The following PHACTR2 variants were observed in gnomAD, a reference collection of about 807,000 sequenced individuals.
The protein encoded by PHACTR2 is phosphatase and actin regulator 2, also known as chromosome 6 open reading frame 56.
A neutral mutation model predicts 76.0 loss-of-function variants in PHACTR2; 30 were observed. That is an observed-to-expected ratio of 0.39 (90% CI 0.30 to 0.54). The LOEUF (loss-of-function observed/expected upper bound fraction) is 0.54, where lower values mean the gene tolerates loss of function less well. Ranked by LOEUF, PHACTR2 falls within the 20% of genes least tolerant of loss-of-function variation. The pLI is 0.61. For synonymous variants in PHACTR2, 292 were observed against 292.5 expected, an observed-to-expected ratio of 1.00 and a Z score of 0.02; for missense variants, 696 against 781.1, an observed-to-expected ratio of 0.89 and a Z score of 1.30.
Position 143,595,768 on chromosome 6 carries a change from TAAAG to T in PHACTR2, c.217+58564_217+58567del, listed in dbSNP as rs1775743540. On this transcript the variant is annotated intron_variant, in intron 1 of 11. Coordinates refer to the PHACTR2 transcript ENST00000367584. The surrounding 1 kb of genome is among the most constrained non-coding windows in gnomAD (Gnocchi z 4.2). ...GAAAAAAGTGCTGTTAGAATAAAAA[TAAAG>T]AATGTTACCAGAATGTTCTACTTAA... Among the ~76,000 whole-genome samples, 1 of 152,196 alleles carries T rather than the reference TAAAG, an allele frequency of 6.6e-6. No individual in the cohort carries two copies. The highest frequency in any genetic ancestry group is 2.4e-5 in the African/African-American group (1 of 41,462).
In PHACTR2 at chr6:143,628,922, GAGATATATATATATATATATATATAT is replaced by G. The variant is rs1276280112; in HGVS notation, c.13+20602_13+20627del. Among the ~76,000 whole-genome samples the G allele has an allele frequency of 1.0e-3, 108 of 104,498 alleles. 4 individuals are homozygous for G. The highest frequency in any genetic ancestry group is 4.2e-3 in the South Asian group (11 of 2,646). 68.6% of individuals were successfully genotyped at this position (104,498 alleles called of 152,430 possible). A position where few individuals can be genotyped will look rare whatever the true frequency, so the allele number is the denominator to read the frequency against. ...AAAGAAGATGAATGTTTAAATGCAG[GAGATATATATATATATATATATATAT>G]ATATATATATATATATATATATATA... On this transcript the variant is annotated intron_variant, in intron 1 of 11. Coordinates refer to the PHACTR2 transcript ENST00000305766.
rs772695389 is a variant in PHACTR2 at position 143,774,083 on chromosome 6, G to A, written c.1457G>A (p.Arg486Gln). 1.7e-5 allele frequency: 27 copies of A among 1,613,322 alleles called. No individual in the cohort carries two copies. Among genetic ancestry groups the A allele is most frequent in the Admixed American group, 3.3e-5 (2 of 59,940 alleles). Residue 486 changes from arginine to glutamine, a missense_variant, in exon 8 of 13, where the codon CGG (arginine) becomes CAG (glutamine). Arg to Gln is a conservative substitution (Grantham distance 43). Around this residue, in one of 2 missense-constraint regions of PHACTR2, gnomAD observed 236 missense variants for 330.2 expected, o/e 0.71. Coordinates refer to ENST00000440869, the MANE Select transcript of PHACTR2 (RefSeq NM_001100164.2). This position sits in a 1 kb window ranked among gnomAD's most constrained non-coding sequence, Gnocchi z 5.4. The stretch of plus-strand genomic sequence containing the variant: ...GGTGCTTTGGCAAGTAAAATACGCC[G>A]GAGGGATACTCTTGCTATCAAACTT... The part of the protein sequence containing the change: ...GESALASKIR[R>Q]RDTLAIKLGN...
rs891300678 is a variant in PHACTR2, at chr6:143,830,922, C to T, written c.*7233C>T. ...AAGAGTAAGACAACTTCCCTAATTG[C>T]CTGTTATTTCAGCTTCACCTAAGTT... is the stretch of plus-strand genomic sequence containing the variant. On this transcript the variant is annotated 3_prime_UTR_variant, in exon 13 of 13. Coordinates refer to ENST00000440869, the MANE Select transcript of PHACTR2 (RefSeq NM_001100164.2). 2 of 152,148 alleles carry T rather than the reference C, an allele frequency of 1.3e-5. No homozygotes were observed. The highest frequency in any genetic ancestry group is 4.1e-4 in the South Asian group (2 of 4,832). The allele number at this position is 152,148 out of a possible 1,614,324, so 9.4% of individuals were successfully genotyped here.
At chr6:143,559,780 G>A (rs1398406255) in intron 1 of PHACTR2, among the ~76,000 whole-genome samples, 9 of 123,340 alleles carry the variant, frequency 7.3e-5, no homozygotes, top group Admixed American at 4.2e-4. Context: ...GTGTGATCTC[G>A]GCTCACTGCA....
chr6:143,779,636 C>A (rs1371232213), intron 9 of PHACTR2, among the ~76,000 whole-genome samples: 1 of 152,172 alleles, frequency 6.6e-6, no homozygotes, highest in Non-Finnish European at 1.5e-5. Flanking sequence ...GTGTAAGCCA[C>A]CGTGCCCGGC....
rs553826560 is a variant in PHACTR2 at position 143,736,867 on chromosome 6, T to C, written c.215-12118T>C. Reference sequence around the variant, plus strand: ...GGGATTACTGGCGTGAGCCAACACGTCCGGCCTACAAGATATTTTAATCAT... The same window carrying C: ...GGGATTACTGGCGTGAGCCAACACGCCCGGCCTACAAGATATTTTAATCAT... On this transcript the variant is annotated intron_variant, in intron 2 of 12. Coordinates refer to ENST00000440869, the MANE Select transcript of PHACTR2 (RefSeq NM_001100164.2). Among the ~76,000 whole-genome samples the C allele has an allele frequency of 4.0e-4, 61 of 151,786 alleles. No homozygotes were observed. In the East Asian group the frequency reaches 6.8e-3, roughly 17 times the overall value.
chr6:143,708,219 A>G lies in PHACTR2; in HGVS notation c.47-3797A>G, dbSNP rs1364055720. Among the ~76,000 whole-genome samples, 3 of 152,230 alleles carry G rather than the reference A, an allele frequency of 2.0e-5. No homozygotes were observed. Among genetic ancestry groups the G allele is most frequent in the Non-Finnish European group, 4.4e-5 (3 of 68,038 alleles). The stretch of plus-strand genomic sequence containing the variant: ...CATTTCTGTTTAAATAAAAAATAAA[A>G]CCTGTGTATATTTTCTGATTTCTTA... On this transcript the variant is annotated intron_variant, in intron 1 of 12. Transcript: ENST00000440869. The surrounding 1 kb of genome is among the most constrained non-coding windows in gnomAD (Gnocchi z 5.5).
At chr6:143,565,047 T>C (rs1208952847) in intron 1 of PHACTR2, among the ~76,000 whole-genome samples, 2 of 152,128 alleles carry the variant, frequency 1.3e-5, no homozygotes. Flanking sequence ...TTCAAGCCAA[T>C]AGATATGTTT....
intron 1 of PHACTR2, among the ~76,000 whole-genome samples, chr6:143,544,253 G>GGACGGAAGGGAGGCAGGGAGGGGAAA (rs1554286375): frequency 6.9e-6 from 1 of 144,070 alleles, no homozygotes; most frequent in Non-Finnish European, 1.5e-5. Flanking sequence ...GGAGGGAGTG[G>GGACGGAAGGGAGGCAGGGAGGGGAAA]GAAGGAAGGA....
rs1458944145 is a variant in PHACTR2, at chr6:143,664,911, G to C, written c.14-47105G>C. On this transcript the variant is annotated intron_variant, in intron 1 of 11. Coordinates refer to the PHACTR2 transcript ENST00000305766. This position sits in a 1 kb window ranked among gnomAD's most constrained non-coding sequence, Gnocchi z 5.1. ...CCTCCCTGGTTCAAGTGATTCCCCTGACTCGGCCTCCCAAGTAGCTGGCAT... is the reference window on the plus strand; with the variant it reads ...CCTCCCTGGTTCAAGTGATTCCCCTCACTCGGCCTCCCAAGTAGCTGGCAT... 2.6e-5 allele frequency among the ~76,000 whole-genome samples: 4 copies of C among 152,044 alleles called. No individual in the cohort carries two copies. Among genetic ancestry groups the C allele is most frequent in the African/African-American group, 4.8e-5 (2 of 41,386 alleles).
intron 10 of PHACTR2, among the ~76,000 whole-genome samples, chr6:143,786,334 C>G (rs1453692671): frequency 6.6e-6 from 1 of 152,256 alleles, no homozygotes; most frequent in Admixed American, 6.5e-5. Flanking sequence ...TTCCTTATCT[C>G]CATCTGAGAC....
chr6:143,642,324 C>T (rs968989635), intron 1 of PHACTR2, among the ~76,000 whole-genome samples: 7 of 152,182 alleles, frequency 4.6e-5, no homozygotes, highest in Non-Finnish European at 7.3e-5. Flanking sequence ...GGAAGCACTT[C>T]GCGAACCTAA....
chr6:143,566,161 G>A (rs1430683423), intron 1 of PHACTR2, among the ~76,000 whole-genome samples: 1 of 152,000 alleles, frequency 6.6e-6, no homozygotes, highest in Non-Finnish European at 1.5e-5. Context: ...ATGGCATCTC[G>A]CTATGTTGCC....
chr6:143,825,207 G>A lies in PHACTR2; in HGVS notation c.*1518G>A, dbSNP rs1438090736. 1 of 152,190 alleles carries A rather than the reference G, an allele frequency of 6.6e-6. No individual in the cohort carries two copies. Among genetic ancestry groups the A allele is most frequent in the African/African-American group, 2.4e-5 (1 of 41,394 alleles). 9.4% of individuals were successfully genotyped at this position (152,190 alleles called of 1,614,324 possible). A position where few individuals can be genotyped will look rare whatever the true frequency, so the allele number is the denominator to read the frequency against. On this transcript the variant is annotated 3_prime_UTR_variant, in exon 13 of 13. Transcript: ENST00000440869. This position sits in a 1 kb window ranked among gnomAD's most constrained non-coding sequence, Gnocchi z 4.1. Reference sequence around the variant, plus strand: ...GAGTTTATTTTATTCTCAGAGTTTGGACTACAATTTTCTAAGATGTTTCTG... The same window carrying A: ...GAGTTTATTTTATTCTCAGAGTTTGAACTACAATTTTCTAAGATGTTTCTG...
rs974430511 is a variant in PHACTR2 at position 143,549,033 on chromosome 6, C to T, written c.217+11826C>T. Among the ~76,000 whole-genome samples the T allele has an allele frequency of 1.3e-4, 19 of 151,868 alleles. No individual in the cohort carries two copies. The highest frequency in any genetic ancestry group is 4.6e-4 in the African/African-American group (19 of 41,370). On this transcript the variant is annotated intron_variant, in intron 1 of 11. Coordinates refer to the PHACTR2 transcript ENST00000367584. The surrounding 1 kb of genome is among the most constrained non-coding windows in gnomAD (Gnocchi z 4.2). ...AAGAGTACAGGGAAGAAGGCTTGGC[C>T]ATGAAGACAGGCATTCTCTCCCCCC...
At chr6:143,758,961 C>A (rs1779368945) in intron 4 of PHACTR2, among the ~76,000 whole-genome samples, 1 of 152,072 alleles carries the variant, frequency 6.6e-6, no homozygotes, top group Admixed American at 6.6e-5. Flanking sequence ...TATTAAAACC[C>A]TTTCTAGAGC....
chr6:143,802,349 C>T (rs1775976938), intron 11 of PHACTR2, among the ~76,000 whole-genome samples: 1 of 152,106 alleles, frequency 6.6e-6, no homozygotes, highest in Non-Finnish European at 1.5e-5. Flanking sequence ...TCAACAAAAT[C>T]AGTCCCAGAC....
At position 143,689,011 on chromosome 6, in the gene PHACTR2, TC is replaced by T. The variant is rs892559724; in HGVS notation, c.46+10806del. Among the ~76,000 whole-genome samples the T allele has an allele frequency of 6.6e-6, 1 of 152,136 alleles. No homozygotes were observed. The highest frequency in any genetic ancestry group is 1.5e-5 in the Non-Finnish European group (1 of 68,010). On this transcript the variant is annotated intron_variant, in intron 1 of 12. Coordinates refer to ENST00000440869, the MANE Select transcript of PHACTR2 (RefSeq NM_001100164.2). The surrounding 1 kb of genome is among the most constrained non-coding windows in gnomAD (Gnocchi z 4.4). The stretch of plus-strand genomic sequence containing the variant: ...CTCATCTTCCATCACTTTGCTCTGG[TC>T]CCCTCACTGCCTTTTTCAGTCCTCA...
At chr6:143,707,227 A>G (rs1778075348) in intron 1 of PHACTR2, among the ~76,000 whole-genome samples, 1 of 152,270 alleles carries the variant, frequency 6.6e-6, no homozygotes, top group African/African-American at 2.4e-5. Context: ...AGAGTTTGAT[A>G]TCCTTAGTGT....
Sources: allele counts gnomAD v4.1 joint callset (sites outside exome capture counted in the v4.1 genomes callset), GRCh38; gene constraint gnomAD v4.1.1; regional missense constraint gnomAD v4.1.1; non-coding constraint Gnocchi (gnomAD v3.1); transcripts MANE v1.5; gene names NCBI Gene and HGNC (gene_info 2026-07-23, HGNC 2026-07-21).